The following PPFIBP2 variants were observed in gnomAD, a reference collection of about 807,000 sequenced individuals.
The protein encoded by PPFIBP2 is liprin-beta-2.
A neutral mutation model predicts 118.3 loss-of-function variants in PPFIBP2; 118 were observed. That is an observed-to-expected ratio of 1.00 (90% CI 0.86 to 1.16). The LOEUF (loss-of-function observed/expected upper bound fraction) is 1.16, where lower values mean the gene tolerates loss of function less well. Ranked by LOEUF, PPFIBP2 falls within the 50% of genes most tolerant of loss-of-function variation. The pLI is 0.00. For missense variants in PPFIBP2, 1,195 were observed against 1,073.1 expected (o/e 1.11, Z -1.59); for synonymous variants, 414 against 397.4 (o/e 1.04, Z -0.50).
chr11:7,572,588 A>C (rs1022942049), intron 3 of PPFIBP2, among the ~76,000 whole-genome samples: 1 of 152,196 alleles, frequency 6.6e-6, no homozygotes, highest in African/African-American at 2.4e-5. Flanking sequence ...CCAGGTTAGC[A>C]TAACTTGAGG....
At chr11:7,558,190 T>C (rs1361807810) in intron 2 of PPFIBP2, among the ~76,000 whole-genome samples, 1 of 152,232 alleles carries the variant, frequency 6.6e-6, no homozygotes, top group Non-Finnish European at 1.5e-5. Context: ...GTCCTTGTCA[T>C]CTTCACTTGA....
intron 16 of PPFIBP2, 143 bp from the exon 17 acceptor site, chr11:7,642,155 C>A: frequency 1.0e-6 from 1 of 973,614 alleles, no homozygotes; most frequent in Non-Finnish European, 1.5e-6. Context: ...AGGTTGTGAT[C>A]CTTGATCTCT....
At chr11:7,619,099 A>G (rs750012690) in intron 6 of PPFIBP2, among the ~76,000 whole-genome samples, 2 of 152,242 alleles carry the variant, frequency 1.3e-5, no homozygotes, top group Admixed American at 6.5e-5. Flanking sequence ...TACACCTACT[A>G]TGTGCCAGGC....
intron 3 of PPFIBP2, among the ~76,000 whole-genome samples, chr11:7,568,200 G>A (rs1034961191): frequency 2.0e-5 from 3 of 152,186 alleles, no homozygotes; most frequent in African/African-American, 7.2e-5. Flanking sequence ...CCAGTAAAAT[G>A]ATGTAAACAA....
chr11:7,665,717 C>G, the PPFIBP2 span: 6 of 1,161,948 alleles, frequency 5.2e-6, no homozygotes, highest in Non-Finnish European at 7.2e-6. Context: ...AGTAAACAGC[C>G]CTCTGCAGCA....
At chr11:7,654,783 C>T (rs1453617125), downstream of PPFIBP2, among the ~76,000 whole-genome samples, 1 of 152,206 alleles carries the variant, frequency 6.6e-6, no homozygotes, top group Non-Finnish European at 1.5e-5. Context: ...CTGCATGGAA[C>T]TGTTGTGCCA....
chr11:7,565,190 C>T (rs1854815788), intron 2 of PPFIBP2, among the ~76,000 whole-genome samples: 1 of 152,136 alleles, frequency 6.6e-6, no homozygotes, highest in Non-Finnish European at 1.5e-5. Context: ...CACTGTCCAG[C>T]CCGAGATTAG....
chr11:7,656,002 C>G (rs551277801), downstream of PPFIBP2, among the ~76,000 whole-genome samples: 2 of 152,310 alleles, frequency 1.3e-5, no homozygotes, highest in East Asian at 3.9e-4. Context: ...CATGGGGAAG[C>G]AGTTTGGCCT....
chr11:7,594,357 T>G (rs2135268421), intron 4 of PPFIBP2, among the ~76,000 whole-genome samples: 1 of 152,386 alleles, frequency 6.6e-6, no homozygotes, highest in Admixed American at 6.5e-5. Flanking sequence ...TGTATTTTTC[T>G]TCACTTCATT....
intron 4 of PPFIBP2, among the ~76,000 whole-genome samples, chr11:7,595,704 C>T (rs1381715850): frequency 2.0e-5 from 3 of 152,140 alleles, no homozygotes; most frequent in African/African-American, 4.8e-5. Flanking sequence ...TTGCTTAATG[C>T]ACACAGCAGC....
chr11:7,620,779 A>G (rs1402214175), intron 6 of PPFIBP2, among the ~76,000 whole-genome samples, 156 bp from the exon 7 acceptor site: 1 of 152,196 alleles, frequency 6.6e-6, no homozygotes, highest in Non-Finnish European at 1.5e-5. Context: ...ACGGCCATAC[A>G]GCTTTCCTGA....
At position 7,631,024 on chromosome 11, in the gene PPFIBP2, A is replaced by AAG. The variant is rs775016498; in HGVS notation, c.1067_1068dup (p.Met357ArgfsTer33). 4 of 1,611,558 alleles carry AAG rather than the reference A, an allele frequency of 2.5e-6. No homozygotes were observed. Among genetic ancestry groups the AAG allele is most frequent in the Non-Finnish European group, 1.7e-6 (2 of 1,177,632 alleles). ...AAGGACCCTGAAGAATTATTTAAACAAGAGGTACTGTGTTTCCATCCATGA... is the reference window on the plus strand; with the variant it reads ...AAGGACCCTGAAGAATTATTTAAACAAGAGAGGTACTGTGTTTCCATCCATGA... On this transcript the variant is annotated frameshift_variant, in exon 11 of 24. Transcript: ENST00000299492. LOFTEE classifies it high-confidence loss of function.
At chr11:7,517,145 A>G (rs1849298777) in intron 1 of PPFIBP2, among the ~76,000 whole-genome samples, 1 of 152,156 alleles carries the variant, frequency 6.6e-6, no homozygotes, top group Admixed American at 6.5e-5. Context: ...TAGTGGGATA[A>G]CACAGGGGAG....
At chr11:7,535,493 T>C (rs887246530) in intron 1 of PPFIBP2, among the ~76,000 whole-genome samples, 5 of 152,218 alleles carry the variant, frequency 3.3e-5, no homozygotes, top group African/African-American at 1.2e-4. Context: ...TACTGCTTCC[T>C]GGATGTGTGA....
chr11:7,540,462 C>T (rs181716372), intron 1 of PPFIBP2, among the ~76,000 whole-genome samples: 1 of 152,212 alleles, frequency 6.6e-6, no homozygotes, highest in East Asian at 1.9e-4. Context: ...ACCATGGGGG[C>T]ATCACCAAGG....
chr11:7,636,603 T>G (rs1051001896), intron 14 of PPFIBP2, among the ~76,000 whole-genome samples: 3 of 152,156 alleles, frequency 2.0e-5, no homozygotes, highest in African/African-American at 7.2e-5. Context: ...ACAGAGGTCA[T>G]TCGCAGGTGT....
At chr11:7,531,218 G>C (rs555291702) in intron 1 of PPFIBP2, among the ~76,000 whole-genome samples, 1 of 152,276 alleles carries the variant, frequency 6.6e-6, no homozygotes, top group South Asian at 2.1e-4. Flanking sequence ...GAACTCTTAG[G>C]GGAGGGAAGT....
downstream of PPFIBP2, chr11:7,657,046 G>A (rs112964855): frequency 2.8e-5 from 9 of 324,526 alleles, no homozygotes; most frequent in East Asian, 7.8e-5. Flanking sequence ...ACTTTTATAC[G>A]TGGACTGCAG....
intron 17 of PPFIBP2, among the ~76,000 whole-genome samples, chr11:7,645,693 A>G (rs1486054736): frequency 1.3e-5 from 2 of 152,170 alleles, no homozygotes; most frequent in Admixed American, 1.3e-4. Context: ...AAAACAAAAA[A>G]TGGGAAGACT....
Sources: allele counts gnomAD v4.1 joint callset (sites outside exome capture counted in the v4.1 genomes callset), GRCh38; gene constraint gnomAD v4.1.1; transcripts MANE v1.5; gene names NCBI Gene and HGNC (gene_info 2026-07-23, HGNC 2026-07-21).